Variants in C3orf52 observed in about 807,000 individuals in gnomAD.
The protein encoded by C3orf52 is TPA-induced transmembrane protein.
In C3orf52, 22 loss-of-function variants were observed where a neutral mutation model predicts 24.8. The observed-to-expected ratio is 0.89, with a 90% CI of 0.63 to 1.27. The LOEUF (loss-of-function observed/expected upper bound fraction) is 1.27, where lower values mean the gene tolerates loss of function less well. Among genes scored for constraint, C3orf52 ranks in the 50% most tolerant of loss-of-function variants. The probability of loss-of-function intolerance (pLI) is 0.00; values close to 1 mark genes in which losing one functional copy is unlikely to be tolerated. For synonymous variants in C3orf52, 93 were observed against 100.2 expected, an observed-to-expected ratio of 0.93 and a Z score of 0.43; for missense variants, 265 against 260.7, an observed-to-expected ratio of 1.02 and a Z score of -0.11.
chr3:112,086,473 A>G lies in C3orf52; in HGVS notation c.66A>G (p.Pro22=). ...ELELSVLERQ[P]EENTPLNGAD... ...AGCTCTCGGTGCTCGAGCGGCAGCC[A>G]GAAGAGAACACGCCTCTCAATGGTG... Residue 22 remains proline, a synonymous_variant, in exon 1 of 6, where the codon CCA becomes CCG. Transcript: ENST00000264848. 6.4e-7 allele frequency: 1 copy of G among 1,551,534 alleles called. No homozygotes were observed. The highest frequency in any genetic ancestry group is 8.7e-7 in the Non-Finnish European group (1 of 1,146,884).
chr3:112,105,211 A>G (rs1383414299), intron 3 of C3orf52, among the ~76,000 whole-genome samples: 2 of 152,204 alleles, frequency 1.3e-5, no homozygotes, highest in African/African-American at 2.4e-5. Flanking sequence ...AAACCAGTGC[A>G]CTTTCTCTGT....
intron 5 of C3orf52, among the ~76,000 whole-genome samples, chr3:112,114,566 T>C (rs56109455): frequency 0.19 from 28,967 of 151,862 alleles, 3,087 homozygotes; most frequent in Middle Eastern, 0.24. Context: ...TAGCCGGGCA[T>C]GGTGGCAGGT....
intron 1 of C3orf52, among the ~76,000 whole-genome samples, chr3:112,087,137 AG>A (rs1422328229): frequency 7.9e-6 from 1 of 127,058 alleles, no homozygotes; most frequent in Non-Finnish European, 1.7e-5. Context: ...GAAGGGGAGA[AG>A]GGGTAGGGCT....
Position 112,112,794 on chromosome 3 carries a change from T to C in C3orf52, c.468-170T>C, listed in dbSNP as rs115676771. The C allele has an allele frequency of 2.0e-3, 1,415 of 708,804 alleles. 18 individuals are homozygous for C. In the African/African-American group the frequency reaches 0.023, roughly 11 times the overall value. 43.9% of individuals were successfully genotyped at this position (708,804 alleles called of 1,614,324 possible). On this transcript the variant is annotated intron_variant, in intron 4 of 5. Transcript: ENST00000264848. ...ACCTCAACTTTTTGTGATGAATCTA[T>C]GGAAGAGGATTCTTATAGGACAGTA...
At chr3:112,113,471 A>T (rs1197366471) in intron 5 of C3orf52, among the ~76,000 whole-genome samples, 5 of 152,236 alleles carry the variant, frequency 3.3e-5, no homozygotes, top group Non-Finnish European at 5.9e-5. Context: ...CCTACTTTAC[A>T]ACATGATTAG....
downstream of C3orf52, chr3:112,133,150 G>C (rs76741797): frequency 3.1e-6 from 5 of 1,612,866 alleles, no homozygotes; most frequent in South Asian, 5.5e-5. Flanking sequence ...CTTCCCCTCC[G>C]TCCCTTTACC....
chr3:112,117,087 G>A lies in C3orf52; in HGVS notation c.*441G>A. ...TTTTTCTTTAGTGCAGAGGTGCACT[G>A]TCTTCTTTTAGGTGGGATCGCGTAA... On this transcript the variant is annotated 3_prime_UTR_variant, in exon 6 of 6. Coordinates refer to ENST00000264848, the MANE Select transcript of C3orf52 (RefSeq NM_024616.3). 1.5e-6 allele frequency: 1 copy of A among 653,112 alleles called. No individual in the cohort carries two copies. 40.5% of individuals were successfully genotyped at this position (653,112 alleles called of 1,614,324 possible).
intron 5 of C3orf52, among the ~76,000 whole-genome samples, chr3:112,116,023 G>C (rs2074130506): frequency 6.6e-6 from 1 of 152,136 alleles, no homozygotes; most frequent in African/African-American, 2.4e-5. Flanking sequence ...GAGGTACTTG[G>C]TACTGTTCTC....
intron 1 of C3orf52, among the ~76,000 whole-genome samples, chr3:112,087,355 A>G (rs1421093176): frequency 6.6e-6 from 1 of 152,208 alleles, no homozygotes; most frequent in African/African-American, 2.4e-5. Flanking sequence ...AATGATGGGA[A>G]CATTATTCAC....
intron 4 of C3orf52, among the ~76,000 whole-genome samples, chr3:112,124,761 A>C (rs2074274226): frequency 6.6e-6 from 1 of 152,192 alleles, no homozygotes; most frequent in African/African-American, 2.4e-5. Flanking sequence ...GGAGATAAAA[A>C]GCAAAGCAGC....
At chr3:112,125,237 T>C (rs1221815300) in intron 4 of C3orf52, 1 of 1,579,818 alleles carries the variant, frequency 6.3e-7, no homozygotes, top group East Asian at 2.2e-5. Context: ...TGGATGGGAG[T>C]AGATGACATT....
downstream of C3orf52, chr3:112,133,145 C>G (rs1210278281): frequency 2.0e-5 from 33 of 1,613,620 alleles, no homozygotes; most frequent in Non-Finnish European, 2.7e-5. Flanking sequence ...CAGGGCTTCC[C>G]CTCCGTCCCT....
intron 2 of C3orf52, among the ~76,000 whole-genome samples, chr3:112,097,018 A>G (rs755340384): frequency 6.6e-6 from 1 of 152,162 alleles, no homozygotes; most frequent in African/African-American, 2.4e-5. Flanking sequence ...GTCCATTTTT[A>G]TGAGTGGAAC....
At position 112,109,951 on chromosome 3, in the gene C3orf52, T is replaced by C. The variant is rs566657976; in HGVS notation, c.467+338T>C. Reference sequence around the variant, plus strand: ...AGTAGAAATAGATCTCAGGTCGTGCTGTGATGCGAGTGATACATGTATAGG... The same window carrying C: ...AGTAGAAATAGATCTCAGGTCGTGCCGTGATGCGAGTGATACATGTATAGG... On this transcript the variant is annotated intron_variant, in intron 4 of 5. Transcript: ENST00000264848. 7 of 233,018 alleles carry C rather than the reference T, an allele frequency of 3.0e-5. No homozygotes were observed. The South Asian group carries it at 4.6e-4, about 15-fold the overall frequency. 14.4% of individuals were successfully genotyped at this position (233,018 alleles called of 1,614,324 possible). A position where few individuals can be genotyped will look rare whatever the true frequency, so the allele number is the denominator to read the frequency against.
rs548275211 is a variant in C3orf52, at chr3:112,116,855, A to G, written c.*209A>G. 9 of 1,537,460 alleles carry G rather than the reference A, an allele frequency of 5.9e-6. No individual in the cohort carries two copies. The South Asian group carries it at 1.1e-4, about 18-fold the overall frequency. On this transcript the variant is annotated 3_prime_UTR_variant, in exon 6 of 6. Transcript: ENST00000264848. Reference sequence around the variant, plus strand: ...CCCGAGCACTGCTTCAGCTGGGTCCAGTCTTGACAAAGGCAGGAAGCCAGC... The same window carrying G: ...CCCGAGCACTGCTTCAGCTGGGTCCGGTCTTGACAAAGGCAGGAAGCCAGC...
intron 2 of C3orf52, among the ~76,000 whole-genome samples, chr3:112,101,544 G>A (rs1012373494): frequency 6.6e-6 from 1 of 152,078 alleles, no homozygotes; most frequent in African/African-American, 2.4e-5. Flanking sequence ...TCTCATCAGG[G>A]GAAAATCCAG....
At chr3:112,123,642 G>A (rs1471544711) in intron 4 of C3orf52, 2 of 1,614,054 alleles carry the variant, frequency 1.2e-6, no homozygotes, top group East Asian at 2.2e-5. Flanking sequence ...GGACTCTCTG[G>A]GTCTCTCAGC....
chr3:112,101,357 C>A (rs1280385760), intron 2 of C3orf52, among the ~76,000 whole-genome samples: 1 of 152,194 alleles, frequency 6.6e-6, no homozygotes, highest in African/African-American at 2.4e-5. Context: ...TAGGCTGTGA[C>A]AACACATGTG....
chr3:112,123,856 T>C (rs2074251278), intron 4 of C3orf52: 19 of 1,404,764 alleles, frequency 1.4e-5, no homozygotes, highest in Non-Finnish European at 1.8e-5. Context: ...GCTTGACCCT[T>C]GGTCAAGTCT....
Sources: gnomAD v4.1 joint callset for allele counts (sites outside exome capture counted in the v4.1 genomes callset) on GRCh38, gnomAD v4.1.1 for gene constraint, MANE v1.5 for transcripts, NCBI Gene and HGNC (gene_info 2026-07-23, HGNC 2026-07-21) for gene names.